Variants in SPG11 observed in about 807,000 individuals in gnomAD.
SPG11 encodes the protein SPG11 vesicle trafficking associated, spatacsin.
Under a neutral mutation model 274.0 loss-of-function variants are expected in SPG11, and 222 were observed. The observed-to-expected ratio is 0.81, with a 90% CI of 0.73 to 0.91. SPG11 has a LOEUF of 0.91. Ranked by LOEUF, SPG11 falls within the 40% of genes least tolerant of loss-of-function variation. The pLI is 0.00. For synonymous variants in SPG11, 1,144 were observed against 1,039.7 expected (o/e 1.10, Z -1.93); for missense variants, 3,114 against 2,872.7 (o/e 1.08, Z -1.92).
intron 21 of SPG11, among the ~76,000 whole-genome samples, chr15:44,599,690 T>G (rs2083134434): frequency 6.6e-6 from 1 of 152,218 alleles, no homozygotes; most frequent in African/African-American, 2.4e-5. Flanking sequence ...CTTGAATACT[T>G]TACCATAAAA....
rs1236849027 is a variant in SPG11 at position 44,596,318 on chromosome 15, T to C, written c.4199A>G (p.Gln1400Arg). The C allele has an allele frequency of 6.2e-7, 1 of 1,614,184 alleles. No homozygotes were observed. The highest frequency in any genetic ancestry group is 1.3e-5 in the African/African-American group (1 of 75,046). Residue 1400 changes from glutamine (Q) to arginine (R), a missense_variant, in exon 25 of 40, where the codon CAA (glutamine) becomes CGA (arginine). Physicochemically the swap from Gln to Arg is conservative, Grantham distance 43. Transcript: ENST00000261866. ...CTCAAAAGCCAGCCTTAAGTGGTCT[T>C]GAATGACTGGGCTGAAGTACTGGAT... is the stretch of plus-strand genomic sequence containing the variant. ...SLIQYFSPVI[Q>R]DHLRLAFENL...
At chr15:44,587,698 A>T in intron 28 of SPG11, among the ~76,000 whole-genome samples, 1 of 146,016 alleles carries the variant, frequency 6.8e-6, no homozygotes, top group South Asian at 2.3e-4. Context: ...TGTCTCAAAA[A>T]AAAAAAAAAA....
At position 44,600,476 on chromosome 15, in the gene SPG11, G is replaced by A. The variant is rs1478064859; in HGVS notation, c.3677C>T (p.Pro1226Leu). The change falls in exon 21 of 40, where the codon CCC becomes CTC. Residue 1226 changes from proline to leucine, a missense_variant. Pro to Leu is a moderately conservative substitution (Grantham distance 98). Transcript: ENST00000261866. Reference protein sequence around the residue: ...LVQELIKSKTPKQLIQQVGNE... With the variant: ...LVQELIKSKTLKQLIQQVGNE... ...TATTTTAAATACTCACAGCTGCTTGGGAGTCTTGCTCTTGATTAATTCCTG... is the reference window on the plus strand; with the variant it reads ...TATTTTAAATACTCACAGCTGCTTGAGAGTCTTGCTCTTGATTAATTCCTG... 1.9e-6 allele frequency: 3 copies of A among 1,613,754 alleles called. No individual in the cohort carries two copies. Among genetic ancestry groups the A allele is most frequent in the African/African-American group, 2.7e-5 (2 of 74,852 alleles).
At position 44,626,594 on chromosome 15, in the gene SPG11, T is replaced by C. The variant is rs903944789; in HGVS notation, c.2068-87A>G. The C allele has an allele frequency of 9.0e-6, 12 of 1,335,192 alleles. No homozygotes were observed. In the African/African-American group the frequency reaches 1.5e-4, roughly 16 times the overall value. 82.7% of individuals were successfully genotyped at this position (1,335,192 alleles called of 1,614,324 possible). A position where few individuals can be genotyped will look rare whatever the true frequency, so the allele number is the denominator to read the frequency against. On this transcript the variant is annotated intron_variant, in intron 10 of 39. Coordinates refer to ENST00000261866, the MANE Select transcript of SPG11 (RefSeq NM_025137.4). The stretch of plus-strand genomic sequence containing the variant: ...CATGGGATTATACATTTATGTAACA[T>C]CTAACAAAGGAACTTTTATTTAAAA...
At chr15:44,645,308 A>G (rs925327586) in intron 7 of SPG11, among the ~76,000 whole-genome samples, 3 of 152,244 alleles carry the variant, frequency 2.0e-5, no homozygotes, top group Non-Finnish European at 4.4e-5. Flanking sequence ...GCCCAGAAAT[A>G]AAGCCACACA....
intron 7 of SPG11, among the ~76,000 whole-genome samples, chr15:44,646,960 A>C (rs541877674): frequency 1.2e-4 from 19 of 152,282 alleles, no homozygotes; most frequent in African/African-American, 4.6e-4. Flanking sequence ...CTGCAAATGT[A>C]CCCCTGAACC....
chr15:44,577,511 A>AC (rs1002114558), intron 30 of SPG11, among the ~76,000 whole-genome samples: 2 of 151,434 alleles, frequency 1.3e-5, no homozygotes, highest in Non-Finnish European at 2.9e-5. Flanking sequence ...TCAAAAAAAA[A>AC]AAAAAAAACA....
chr15:44,626,342 A>G lies in SPG11; in HGVS notation c.2233T>C (p.Leu745=), dbSNP rs1240795496. The part of the protein sequence containing the change: ...KNNIKEASEL[L]KNMGFDVKGQ... ...ATTACACCACTCACCATATTCTTCAAAAGTTCAGAGGCTTCCTTTATATTG... is the reference window on the plus strand; with the variant it reads ...ATTACACCACTCACCATATTCTTCAGAAGTTCAGAGGCTTCCTTTATATTG... Residue 745 remains leucine, a synonymous_variant, in exon 11 of 40, where the codon TTG becomes CTG. Transcript: ENST00000261866. 2 of 1,611,888 alleles carry G rather than the reference A, an allele frequency of 1.2e-6. No individual in the cohort carries two copies. Among genetic ancestry groups the G allele is most frequent in the African/African-American group, 1.3e-5 (1 of 74,832 alleles).
chr15:44,602,942 G>C (rs2083232812), intron 20 of SPG11, among the ~76,000 whole-genome samples: 1 of 152,008 alleles, frequency 6.6e-6, no homozygotes, highest in Non-Finnish European at 1.5e-5. Flanking sequence ...TGCAAAAGGA[G>C]CTTTTAAATT....
intron 27 of SPG11, among the ~76,000 whole-genome samples, chr15:44,589,943 A>G (rs2082862862): frequency 6.6e-6 from 1 of 152,154 alleles, no homozygotes; most frequent in Non-Finnish European, 1.5e-5. Flanking sequence ...AGTAGCTGGG[A>G]TTACAGGCAC....
intron 4 of SPG11, among the ~76,000 whole-genome samples, chr15:44,652,519 C>T (rs181478395): frequency 1.3e-5 from 2 of 152,240 alleles, no homozygotes; most frequent in Admixed American, 1.3e-4. Context: ...AGATGTTATG[C>T]TAAACACTTC....
chr15:44,585,920 C>T (rs2082752543), intron 28 of SPG11, 70 bp from the exon 29 acceptor site: 1 of 1,250,288 alleles, frequency 8.0e-7, no homozygotes, highest in African/African-American at 1.5e-5. Context: ...AAGAGTAATA[C>T]ATATCAGGGG....
chr15:44,589,621 GCA>G (rs2082852717), intron 27 of SPG11, among the ~76,000 whole-genome samples: 1 of 152,202 alleles, frequency 6.6e-6, no homozygotes, highest in South Asian at 2.1e-4. Flanking sequence ...CAGCAGCTTT[GCA>G]CATTGTCTCT....
intron 7 of SPG11, among the ~76,000 whole-genome samples, chr15:44,646,431 G>C (rs915253769): frequency 7.3e-4 from 111 of 152,262 alleles, no homozygotes; most frequent in African/African-American, 2.6e-3. Flanking sequence ...AGAGAGTACA[G>C]GGGAAAACTG....
intron 9 of SPG11, 39 bp downstream of exon 9, chr15:44,629,194 G>T (rs2083987169): frequency 1.2e-6 from 2 of 1,605,590 alleles, no homozygotes; most frequent in African/African-American, 1.3e-5. Context: ...TCTGACACAG[G>T]AACAGTAGAA....
rs917858944 is a variant in SPG11, at chr15:44,584,292, C to T, written c.5388G>A (p.Glu1796=). 2 of 1,612,754 alleles carry T rather than the reference C, an allele frequency of 1.2e-6. No homozygotes were observed. The highest frequency in any genetic ancestry group is 3.3e-5 in the Admixed American group (2 of 59,904). Residue 1796 remains glutamate, a synonymous_variant, in exon 30 of 40, where the codon GAG becomes GAA. Transcript: ENST00000261866. ...GGCACAGCCAGATCTGCTTCTCCAG[C>T]TCCTCCAGCTTATCCAAGGGCACCA... is the stretch of plus-strand genomic sequence containing the variant. ...EDVVPLDKLE[E]LEKQIWLCRI... is the part of the protein sequence containing the mutation.
intron 25 of SPG11, 143 bp downstream of exon 25, chr15:44,595,940 C>T: frequency 8.8e-7 from 1 of 1,138,782 alleles, no homozygotes; most frequent in South Asian, 1.3e-5. Flanking sequence ...TAGAGAAGCA[C>T]AAAATGTTGC....
chr15:44,566,125 G>A (rs751428976), intron 37 of SPG11, 92 bp downstream of exon 37: 8 of 1,584,214 alleles, frequency 5.0e-6, no homozygotes, highest in South Asian at 2.2e-5. Flanking sequence ...ATGCCCTCCC[G>A]CTTCACCTGG....
chr15:44,633,060 A>C (rs1020797375), intron 8 of SPG11, among the ~76,000 whole-genome samples: 4 of 151,966 alleles, frequency 2.6e-5, no homozygotes, highest in African/African-American at 7.3e-5. Flanking sequence ...ATTTCCACAA[A>C]GTTGTCCAGG....
Sources: allele counts gnomAD v4.1 joint callset (sites outside exome capture counted in the v4.1 genomes callset), GRCh38; gene constraint gnomAD v4.1.1; transcripts MANE v1.5; gene names NCBI Gene and HGNC (gene_info 2026-07-23, HGNC 2026-07-21).